Variants in DCC observed in about 807,000 individuals in gnomAD.
The protein encoded by DCC is DCC netrin 1 receptor.
In DCC, 58 loss-of-function variants were observed where a neutral mutation model predicts 172.5. The observed-to-expected ratio is 0.34, with a 90% CI of 0.27 to 0.42. The LOEUF (loss-of-function observed/expected upper bound fraction) is 0.42. DCC is among the 10% of genes least tolerant of loss of function. The pLI is 1.00. For synonymous variants in DCC, 709 were observed against 644.5 expected, an observed-to-expected ratio of 1.10 and a Z score of -1.52; for missense variants, 1,740 against 1,791.0, an observed-to-expected ratio of 0.97 and a Z score of 0.51.
intron 12 of DCC, among the ~76,000 whole-genome samples, chr18:53,271,320 A>G (rs1242757141): frequency 6.6e-6 from 1 of 152,190 alleles, no homozygotes. Flanking sequence ...CTTATCTATT[A>G]TTGCATAAAA....
chr18:53,062,855 CATT>C (rs2042514945), intron 5 of DCC, among the ~76,000 whole-genome samples: 1 of 152,134 alleles, frequency 6.6e-6, no homozygotes, highest in Non-Finnish European at 1.5e-5. Context: ...GAGTCCATCA[CATT>C]AATCCTAATG....
At chr18:52,787,665 A>T (rs1344004769) in intron 2 of DCC, among the ~76,000 whole-genome samples, 7 of 152,130 alleles carry the variant, frequency 4.6e-5, no homozygotes, top group Non-Finnish European at 8.8e-5. Context: ...CTTCTGAGCC[A>T]TCCAGAAATC....
intron 7 of DCC, among the ~76,000 whole-genome samples, chr18:53,154,897 A>T (rs2054704202): frequency 6.6e-6 from 1 of 151,990 alleles, no homozygotes; most frequent in South Asian, 2.1e-4. Flanking sequence ...GCTTAATATC[A>T]CTCATATTTT....
At chr18:52,513,626 A>G (rs1024906429) in intron 1 of DCC, among the ~76,000 whole-genome samples, 3 of 152,190 alleles carry the variant, frequency 2.0e-5, no homozygotes, top group Admixed American at 6.6e-5. Flanking sequence ...AACTTAATCA[A>G]CAGCTAATAG....
intron 2 of DCC, among the ~76,000 whole-genome samples, chr18:52,848,782 C>T (rs962655609): frequency 3.3e-5 from 5 of 152,182 alleles, no homozygotes; most frequent in Non-Finnish European, 7.4e-5. Context: ...ACATATTTTT[C>T]CATTTATGTT....
intron 25 of DCC, among the ~76,000 whole-genome samples, chr18:53,471,052 T>G (rs2045689934): frequency 6.6e-6 from 1 of 152,236 alleles, no homozygotes; most frequent in African/African-American, 2.4e-5. Flanking sequence ...CTTTTCCACC[T>G]TCACTGTTTT....
intron 1 of DCC, among the ~76,000 whole-genome samples, chr18:52,519,537 A>C (rs1470695406): frequency 6.6e-6 from 1 of 152,202 alleles, no homozygotes; most frequent in East Asian, 1.9e-4. Flanking sequence ...GATAAGTTGC[A>C]ATGAGGGACA....
intron 7 of DCC, among the ~76,000 whole-genome samples, chr18:53,111,431 AAAGAAAG>A (rs1398606017): frequency 1.4e-5 from 2 of 147,856 alleles, no homozygotes; most frequent in Admixed American, 6.7e-5. Flanking sequence ...AAGACAAAAA[AAAGAAAG>A]AAAGATTAAA....
chr18:52,964,551 G>A (rs2040898102), intron 5 of DCC, among the ~76,000 whole-genome samples: 1 of 152,072 alleles, frequency 6.6e-6, no homozygotes, highest in Non-Finnish European at 1.5e-5. Context: ...TGATTTAGTA[G>A]TGTTTGAGGG....
intron 1 of DCC, among the ~76,000 whole-genome samples, chr18:52,719,367 G>A (rs544027192): frequency 1.3e-5 from 2 of 152,190 alleles, no homozygotes; most frequent in South Asian, 2.1e-4. Context: ...AAAACCTGTA[G>A]GATATCCAAT....
Position 53,157,431 on chromosome 18 carries a change from G to A in DCC, c.1337G>A (p.Arg446His), listed in dbSNP as rs138053380. Residue 446 changes from arginine (R) to histidine (H), a missense_variant, in exon 8 of 29, where the codon CGT becomes CAT. This residue lies in a region of DCC where 1,732 missense variants were observed against 1,767.4 expected (regional missense o/e 0.98). Coordinates refer to ENST00000442544, the MANE Select transcript of DCC (RefSeq NM_005215.4). Reference sequence around the variant, plus strand: ...GTCTTGGTTTCCAGCCGATTTGTCCGTCTCAGCTGGCGCCCACCTGCAGAA... The same window carrying A: ...GTCTTGGTTTCCAGCCGATTTGTCCATCTCAGCTGGCGCCCACCTGCAGAA... ...VPVLVSSRFVRLSWRPPAEAK... is the reference protein window; with the variant it reads ...VPVLVSSRFVHLSWRPPAEAK... 45 of 1,614,090 alleles carry A rather than the reference G, an allele frequency of 2.8e-5. No individual in the cohort carries two copies. Among genetic ancestry groups the A allele is most frequent in the South Asian group, 1.3e-4 (12 of 91,074 alleles).
At chr18:52,625,690 A>G (rs940384907) in intron 1 of DCC, among the ~76,000 whole-genome samples, 1 of 152,166 alleles carries the variant, frequency 6.6e-6, no homozygotes, top group Non-Finnish European at 1.5e-5. Flanking sequence ...ACAGCAAAGC[A>G]TCTTGAAAGA....
intron 12 of DCC, among the ~76,000 whole-genome samples, chr18:53,255,930 T>C (rs1472532720): frequency 2.0e-5 from 3 of 152,208 alleles, no homozygotes; most frequent in Non-Finnish European, 2.9e-5. Context: ...TGGTATCTCA[T>C]TGTGGTTTTG....
At chr18:52,626,660 A>G (rs1364175410) in intron 1 of DCC, among the ~76,000 whole-genome samples, 2 of 152,188 alleles carry the variant, frequency 1.3e-5, no homozygotes, top group Admixed American at 6.5e-5. Context: ...AGCCCTCCGT[A>G]TCATGGGTTT....
chr18:52,396,281 A>ACCCC (rs34363129), intron 1 of DCC, among the ~76,000 whole-genome samples: 11 of 114,298 alleles, frequency 9.6e-5, no homozygotes, highest in Non-Finnish European at 1.2e-4. Context: ...CCTGCACCAC[A>ACCCC]CCCCCCCCCC....
chr18:53,229,763 A>G (rs558602059), intron 12 of DCC, among the ~76,000 whole-genome samples: 2 of 152,092 alleles, frequency 1.3e-5, no homozygotes, highest in South Asian at 2.1e-4. Context: ...AGGACACCAC[A>G]GGAAAAAAAA....
intron 1 of DCC, among the ~76,000 whole-genome samples, chr18:52,465,947 T>A (rs1344596931): frequency 6.6e-6 from 1 of 152,238 alleles, no homozygotes; most frequent in East Asian, 1.9e-4. Flanking sequence ...TACATCGTGC[T>A]CATTTTATAA....
chr18:52,851,891 C>T (rs2038980268), intron 2 of DCC, among the ~76,000 whole-genome samples: 2 of 152,040 alleles, frequency 1.3e-5, no homozygotes, highest in African/African-American at 4.8e-5. Context: ...GGGTTTTGAC[C>T]AGACACCAGA....
At chr18:53,089,720 T>C (rs2042975470) in intron 7 of DCC, among the ~76,000 whole-genome samples, 1 of 152,186 alleles carries the variant, frequency 6.6e-6, no homozygotes, top group South Asian at 2.1e-4. Flanking sequence ...ATCGTGGTTA[T>C]ACTTTAAGAA....
Sources: allele counts gnomAD v4.1 joint callset (sites outside exome capture counted in the v4.1 genomes callset), GRCh38; gene constraint gnomAD v4.1.1; regional missense constraint gnomAD v4.1.1; transcripts MANE v1.5; gene names NCBI Gene and HGNC (gene_info 2026-07-23, HGNC 2026-07-21).